KHDRBS2: variants seen among roughly 807,000 people sequenced by gnomAD.
The protein encoded by KHDRBS2 is KH domain-containing, RNA-binding, signal transduction-associated protein 2.
In KHDRBS2, 26 loss-of-function variants were observed where a neutral mutation model predicts 44.3. That is an observed-to-expected ratio of 0.59 (90% CI 0.43 to 0.81). The LOEUF is 0.81. Ranked by LOEUF, KHDRBS2 falls within the 40% of genes least tolerant of loss-of-function variation. The pLI is 0.00. For synonymous variants in KHDRBS2, 194 were observed against 151.1 expected, an observed-to-expected ratio of 1.28 and a Z score of -2.08; for missense variants, 476 against 433.1, an observed-to-expected ratio of 1.10 and a Z score of -0.88.
Position 61,878,330 on chromosome 6 carries a change from C to T in KHDRBS2, c.810+16305G>A, listed in dbSNP as rs573996147. Among the ~76,000 whole-genome samples the T allele has an allele frequency of 3.3e-5, 5 of 152,136 alleles. No individual in the cohort carries two copies. The East Asian group carries it at 5.8e-4, about 18-fold the overall frequency. On this transcript the variant is annotated intron_variant, in intron 6 of 8. Transcript: ENST00000281156. The stretch of plus-strand genomic sequence containing the variant: ...CAATTCTTTTTCACAATTCATTGTA[C>T]TACTTTTCCCCTAACTTATTTTTCA...
intron 2 of KHDRBS2, among the ~76,000 whole-genome samples, chr6:62,148,595 T>C (rs559389279): frequency 6.5e-4 from 99 of 151,976 alleles, no homozygotes; most frequent in African/African-American, 2.3e-3. Flanking sequence ...CTAAATAAGA[T>C]AGCTATAAAT....
rs1584875826 is a variant in KHDRBS2 at position 62,130,780 on chromosome 6, G to T, written c.219+46405C>A. On this transcript the variant is annotated intron_variant, in intron 2 of 8. Coordinates refer to ENST00000281156, the MANE Select transcript of KHDRBS2 (RefSeq NM_152688.4). ...GAACACTTACATTAGACTACAGTTGGTCAAAAATGATCTAAAAAAGCCTAT... is the reference window on the plus strand; with the variant it reads ...GAACACTTACATTAGACTACAGTTGTTCAAAAATGATCTAAAAAAGCCTAT... 2.6e-5 allele frequency among the ~76,000 whole-genome samples: 4 copies of T among 151,846 alleles called. No homozygotes were observed. The South Asian group carries it at 8.3e-4, about 31-fold the overall frequency.
chr6:61,719,567 A>G (rs560558092), intron 7 of KHDRBS2, among the ~76,000 whole-genome samples: 4 of 152,238 alleles, frequency 2.6e-5, no homozygotes, highest in East Asian at 1.9e-4. Context: ...AACTTCAAGT[A>G]TGTGAGTTCC....
At chr6:61,730,508 T>C (rs1220887945) in intron 7 of KHDRBS2, among the ~76,000 whole-genome samples, 1 of 152,022 alleles carries the variant, frequency 6.6e-6, no homozygotes, top group East Asian at 1.9e-4. Flanking sequence ...ACGAAAATGA[T>C]AGGGGACATG....
chr6:61,896,195 G>T (rs1802907824), intron 5 of KHDRBS2, among the ~76,000 whole-genome samples: 1 of 152,152 alleles, frequency 6.6e-6, no homozygotes, highest in Non-Finnish European at 1.5e-5. Context: ...TTCCTCATAA[G>T]CAAGATGAGC....
rs1202851129 is a variant in KHDRBS2, at chr6:61,789,985, T to C, written c.811-57221A>G. On this transcript the variant is annotated intron_variant, in intron 6 of 8. Transcript: ENST00000281156. ...TAATTGAAATTCTTGTGAAATAATG[T>C]TTTATAAAGATGCAGTATAAATGAT... Among the ~76,000 whole-genome samples, 4 of 151,480 alleles carry C rather than the reference T, an allele frequency of 2.6e-5. No homozygotes were observed. In the Admixed American group the frequency reaches 2.6e-4, roughly 10 times the overall value.
At chr6:61,840,514 T>C (rs192042104) in intron 6 of KHDRBS2, among the ~76,000 whole-genome samples, 1 of 152,236 alleles carries the variant, frequency 6.6e-6, no homozygotes, top group African/African-American at 2.4e-5. Context: ...ATCTGAAGCT[T>C]AAAATCCTCC....
intron 6 of KHDRBS2, among the ~76,000 whole-genome samples, chr6:61,781,921 T>A (rs1340503393): frequency 1.3e-5 from 2 of 152,170 alleles, no homozygotes; most frequent in Admixed American, 1.3e-4. Flanking sequence ...ACTGAGCACC[T>A]ATAATGATGC....
chr6:62,061,821 T>C (rs915188662), intron 2 of KHDRBS2, among the ~76,000 whole-genome samples: 123 of 148,336 alleles, frequency 8.3e-4, no homozygotes, highest in African/African-American at 3.0e-3. Context: ...CAATCAGACG[T>C]AGATTTGGTC....
chr6:61,757,520 A>T (rs1216135255), intron 6 of KHDRBS2, among the ~76,000 whole-genome samples: 1 of 152,138 alleles, frequency 6.6e-6, no homozygotes, highest in Non-Finnish European at 1.5e-5. Context: ...TTTTAAAATT[A>T]TTCAAAGTGA....
At chr6:61,861,821 G>T (rs1056553052) in intron 6 of KHDRBS2, among the ~76,000 whole-genome samples, 3 of 151,994 alleles carry the variant, frequency 2.0e-5, no homozygotes, top group Non-Finnish European at 4.4e-5. Flanking sequence ...TCATTTTCAC[G>T]ATAGTGATCC....
chr6:62,151,875 G>A (rs1271887590), intron 2 of KHDRBS2, among the ~76,000 whole-genome samples: 1 of 152,186 alleles, frequency 6.6e-6, no homozygotes, highest in African/African-American at 2.4e-5. Context: ...GGTAACATCT[G>A]CCCATCTAGT....
chr6:61,927,274 T>C (rs1226896310), intron 4 of KHDRBS2, among the ~76,000 whole-genome samples: 1 of 152,092 alleles, frequency 6.6e-6, no homozygotes, highest in Non-Finnish European at 1.5e-5. Flanking sequence ...AGATTTATTT[T>C]CAAAAAACAT....
rs1805611997 is a variant in KHDRBS2 at position 61,909,266 on chromosome 6, G to C, written c.484-7895C>G. ...GTATTTTTGGTACAGACAGGGTTTT[G>C]CCATGTTGCCCAGGCTGGTGTCGCA... is the stretch of plus-strand genomic sequence containing the variant. On this transcript the variant is annotated intron_variant, in intron 4 of 8. Transcript: ENST00000281156. 2.0e-5 allele frequency among the ~76,000 whole-genome samples: 3 copies of C among 151,652 alleles called. No individual in the cohort carries two copies. In the South Asian group the frequency reaches 6.3e-4, roughly 32 times the overall value.
At chr6:61,834,434 CAGATA>C (rs1792330762) in intron 6 of KHDRBS2, among the ~76,000 whole-genome samples, 1 of 152,012 alleles carries the variant, frequency 6.6e-6, no homozygotes, top group Admixed American at 6.6e-5. Flanking sequence ...TAATTAACAG[CAGATA>C]AGATGAGTTC....
chr6:62,270,431 C>A (rs1429985773), intron 1 of KHDRBS2, among the ~76,000 whole-genome samples: 5 of 150,806 alleles, frequency 3.3e-5, no homozygotes, highest in African/African-American at 1.2e-4. Context: ...GAAGCAGATG[C>A]TGGTATTATG....
chr6:62,064,096 G>C (rs1792848440), intron 2 of KHDRBS2, among the ~76,000 whole-genome samples: 1 of 89,074 alleles, frequency 1.1e-5, no homozygotes, highest in African/African-American at 3.3e-5. Context: ...CCTCTTCAAG[G>C]AGAACTACAA....
intron 2 of KHDRBS2, among the ~76,000 whole-genome samples, chr6:62,080,852 A>G (rs1237596541): frequency 2.0e-5 from 3 of 152,180 alleles, no homozygotes; most frequent in Admixed American, 2.0e-4. Flanking sequence ...ACCTTGCTGC[A>G]TCTTGGTTTG....
the KHDRBS2 span, among the ~76,000 whole-genome samples, chr6:61,562,170 T>C: frequency 6.6e-6 from 1 of 152,182 alleles, no homozygotes; most frequent in African/African-American, 2.4e-5. Flanking sequence ...TTCAAAACTT[T>C]TCTCAAATCA....
Sources: gnomAD v4.1 joint callset for allele counts (sites outside exome capture counted in the v4.1 genomes callset) on GRCh38, gnomAD v4.1.1 for gene constraint, MANE v1.5 for transcripts, NCBI Gene and HGNC (gene_info 2026-07-23, HGNC 2026-07-21) for gene names.